Variants in SUN5 observed in about 807,000 individuals in gnomAD.
SUN5 encodes SUN domain-containing protein 5.
A neutral mutation model predicts 53.7 loss-of-function variants in SUN5; 44 were observed. That is an observed-to-expected ratio of 0.82 (90% CI 0.64 to 1.05). The LOEUF is 1.05. Among genes scored for constraint, SUN5 ranks in the 50% least tolerant of loss-of-function variants. The pLI, the probability that SUN5 is intolerant of heterozygous loss-of-function variation, is 0.00. For synonymous variants in SUN5, 166 were observed against 179.8 expected, an observed-to-expected ratio of 0.92 and a Z score of 0.62; for missense variants, 433 against 483.8, an observed-to-expected ratio of 0.90 and a Z score of 0.98.
chr20:32,985,621 T>G, intron 11 of SUN5, 115 bp downstream of exon 11: 3 of 1,339,630 alleles, frequency 2.2e-6, no homozygotes, highest in Non-Finnish European at 3.1e-6. Flanking sequence ...CAAGCTGCAT[T>G]CAGCCCCTCC....
chr20:33,004,292 C>T lies in SUN5; in HGVS notation c.49G>A (p.Asp17Asn). 4.4e-6 allele frequency: 7 copies of T among 1,580,186 alleles called. No homozygotes were observed. The highest frequency in any genetic ancestry group is 6.0e-6 in the Non-Finnish European group (7 of 1,162,248). The part of the protein sequence containing the change: ...SPGDPGALLE[D>N]VAHNPRPRRI... Reference sequence around the variant, plus strand: ...CGGGGTCTGGGATTGTGGGCCACATCTTCGAGTAGGGCGCCTGGGTCCCCA... The same window carrying T: ...CGGGGTCTGGGATTGTGGGCCACATTTTCGAGTAGGGCGCCTGGGTCCCCA... Residue 17 changes from aspartate to asparagine, a missense_variant, in exon 1 of 13, where the codon GAT becomes AAT. Transcript: ENST00000356173.
chr20:32,996,722 C>A (rs1989861292), intron 6 of SUN5, among the ~76,000 whole-genome samples: 1 of 151,938 alleles, frequency 6.6e-6, no homozygotes, highest in Non-Finnish European at 1.5e-5. Context: ...ACCAACCCAC[C>A]CACCCACTCA....
chr20:32,995,555 A>G, intron 8 of SUN5, 64 bp downstream of exon 8: 5 of 1,398,200 alleles, frequency 3.6e-6, no homozygotes, highest in East Asian at 2.3e-5. Context: ...CACTTGAGGT[A>G]TAGGAAACAG....
chr20:33,003,970 C>T (rs959894358), intron 1 of SUN5, among the ~76,000 whole-genome samples: 1 of 152,218 alleles, frequency 6.6e-6, no homozygotes, highest in South Asian at 2.1e-4. Context: ...TGCACTAGAC[C>T]GTGAGCTCCA....
chr20:32,999,346 G>A (rs1989936466), intron 5 of SUN5, among the ~76,000 whole-genome samples: 1 of 152,216 alleles, frequency 6.6e-6, no homozygotes, highest in Non-Finnish European at 1.5e-5. Context: ...TGTAATCCCA[G>A]CACTTTGGGA....
intron 8 of SUN5, among the ~76,000 whole-genome samples, chr20:32,992,233 C>G (rs1989728334): frequency 6.6e-6 from 1 of 152,166 alleles, no homozygotes; most frequent in African/African-American, 2.4e-5. Flanking sequence ...TTGTAACAAC[C>G]AAATATATCT....
chr20:33,002,826 C>T (rs748588223), intron 2 of SUN5, 35 bp downstream of exon 2: 7 of 1,613,154 alleles, frequency 4.3e-6, no homozygotes, highest in South Asian at 1.1e-5. Flanking sequence ...CCCTCAGCTG[C>T]CCATGAAAAT....
At chr20:32,997,712 G>C (rs1989890563) in intron 5 of SUN5, 25 bp from the exon 6 acceptor site, 3 of 1,613,370 alleles carry the variant, frequency 1.9e-6, no homozygotes, top group Non-Finnish European at 2.5e-6. Context: ...GAATAAGAAT[G>C]AGCCATTTAA....
At chr20:33,002,478 C>G (rs539185989) in intron 3 of SUN5, 109 bp downstream of exon 3, 1 of 1,015,522 alleles carries the variant, frequency 9.8e-7, no homozygotes, top group South Asian at 1.3e-5. Flanking sequence ...CCCCACCACC[C>G]CTGCAGTCCA....
At chr20:32,992,019 T>C (rs901454276) in intron 8 of SUN5, among the ~76,000 whole-genome samples, 5 of 152,212 alleles carry the variant, frequency 3.3e-5, no homozygotes, top group African/African-American at 4.8e-5. Context: ...GCTCTTCCCC[T>C]GTTCTTTGAT....
At chr20:33,002,162 G>A (rs905561442) in intron 3 of SUN5, among the ~76,000 whole-genome samples, 2 of 91,594 alleles carry the variant, frequency 2.2e-5, no homozygotes, top group African/African-American at 5.8e-5. Flanking sequence ...GGGAATGGCT[G>A]TCTGGCTTGG....
intron 4 of SUN5, 127 bp downstream of exon 4, chr20:33,001,084 AG>A: frequency 3.7e-6 from 4 of 1,082,620 alleles, no homozygotes; most frequent in Non-Finnish European, 5.4e-6. Flanking sequence ...GTTTGATAAA[AG>A]CCAGGTTTGG....
At chr20:32,997,786 A>G (rs1402000620) in intron 5 of SUN5, 99 bp from the exon 6 acceptor site, 1 of 1,305,768 alleles carries the variant, frequency 7.7e-7, no homozygotes, top group Non-Finnish European at 1.1e-6. Context: ...CAGCTATGCC[A>G]CTTGCCAGCA....
At chr20:32,995,281 C>T (rs1989816068) in intron 8 of SUN5, among the ~76,000 whole-genome samples, 1 of 152,100 alleles carries the variant, frequency 6.6e-6, no homozygotes, top group Admixed American at 6.6e-5. Context: ...AGATCATACT[C>T]AAAGGATCAA....
At chr20:32,998,298 G>A (rs1989907386) in intron 5 of SUN5, among the ~76,000 whole-genome samples, 1 of 151,948 alleles carries the variant, frequency 6.6e-6, no homozygotes, top group Non-Finnish European at 1.5e-5. Flanking sequence ...GCTGCAGTGA[G>A]CTGTGATCCA....
intron 8 of SUN5, among the ~76,000 whole-genome samples, chr20:32,993,453 G>C (rs1489172019): frequency 1.3e-5 from 2 of 152,228 alleles, no homozygotes; most frequent in African/African-American, 4.8e-5. Flanking sequence ...GAAAGAGAAG[G>C]AAGCAAAGTT....
chr20:33,000,861 A>T (rs1989984992), intron 4 of SUN5, among the ~76,000 whole-genome samples: 1 of 150,728 alleles, frequency 6.6e-6, no homozygotes, highest in Non-Finnish European at 1.5e-5. Context: ...AAAAAAAAAA[A>T]AGTTAACAGC....
chr20:32,986,900 A>G (rs1989559718), intron 10 of SUN5, among the ~76,000 whole-genome samples: 1 of 152,032 alleles, frequency 6.6e-6, no homozygotes, highest in Non-Finnish European at 1.5e-5. Context: ...CGGATCTGCT[A>G]GTCCTCGGCT....
chr20:32,997,942 C>T (rs971743791), intron 5 of SUN5, among the ~76,000 whole-genome samples: 9 of 152,150 alleles, frequency 5.9e-5, no homozygotes. Context: ...TGTGGCTCCC[C>T]CTTCCCTGTT....
Sources: allele counts gnomAD v4.1 joint callset (sites outside exome capture counted in the v4.1 genomes callset), GRCh38; gene constraint gnomAD v4.1.1; transcripts MANE v1.5; gene names NCBI Gene and HGNC (gene_info 2026-07-23, HGNC 2026-07-21).